Variants in ADAR observed in about 807,000 individuals in gnomAD.
ADAR encodes double-stranded RNA-specific adenosine deaminase.
Under a neutral mutation model 113.2 loss-of-function variants are expected in ADAR, and 41 were observed. The ratio of observed to expected loss-of-function variants is 0.36; its 90% CI spans 0.28 to 0.47. The LOEUF (loss-of-function observed/expected upper bound fraction) is 0.47, where lower values mean the gene tolerates loss of function less well. Ranked by LOEUF, ADAR falls within the 20% of genes least tolerant of loss-of-function variation. The pLI is 1.00. For missense variants in ADAR, 1,242 were observed against 1,540.9 expected (o/e 0.81, Z 3.25); for synonymous variants, 605 against 572.6 (o/e 1.06, Z -0.81).
chr1:154,626,464 C>T (rs1698941209), intron 1 of ADAR, among the ~76,000 whole-genome samples: 1 of 152,168 alleles, frequency 6.6e-6, no homozygotes, highest in Admixed American at 6.5e-5. Context: ...ATGAAGTGTA[C>T]AGCAGAGAGA....
chr1:154,604,155 A>C (rs905982436), intron 1 of ADAR, among the ~76,000 whole-genome samples: 3 of 152,214 alleles, frequency 2.0e-5, no homozygotes, highest in African/African-American at 4.8e-5. Context: ...GCCTCACACA[A>C]TATGCAAAAC....
chr1:154,602,051 G>A lies in ADAR; in HGVS notation c.591C>T (p.Ile197=), dbSNP rs202096621. 4.2e-5 allele frequency: 67 copies of A among 1,614,182 alleles called. No individual in the cohort carries two copies. In the East Asian group the frequency reaches 1.1e-3, roughly 26 times the overall value. ...KEAGTPPLWK[I]AVSTQAWNQH... ...GGTTCCAAGCCTGAGTGGAGACCGC[G>A]ATTTTCCACAAAGGGGGTGTTCCTG... Residue 197 remains isoleucine, a synonymous_variant, in exon 2 of 15, where the codon ATC becomes ATT. Coordinates refer to ENST00000368474, the MANE Select transcript of ADAR (RefSeq NM_001111.5).
At chr1:154,588,424 AC>A in intron 10 of ADAR, 126 bp downstream of exon 10, 12 of 1,504,614 alleles carry the variant, frequency 8.0e-6, no homozygotes, top group Non-Finnish European at 1.1e-5. Flanking sequence ...CTGAATATGG[AC>A]CTCAAACCCA....
At chr1:154,596,649 C>CT (rs1341227334) in intron 6 of ADAR, among the ~76,000 whole-genome samples, 156 bp downstream of exon 6, 1 of 152,120 alleles carries the variant, frequency 6.6e-6, no homozygotes, top group East Asian at 1.9e-4. Context: ...CTTGGCAGGT[C>CT]TATTGTCTTC....
chr1:154,612,255 C>CT (rs1238409058), upstream of ADAR, among the ~76,000 whole-genome samples: 1 of 150,120 alleles, frequency 6.7e-6, no homozygotes, highest in African/African-American at 2.5e-5. Flanking sequence ...CAGAAATGTA[C>CT]TGCCTGTGAA....
intron 1 of ADAR, among the ~76,000 whole-genome samples, chr1:154,605,218 ATCTT>A (rs1199812161): frequency 1.3e-5 from 2 of 152,040 alleles, no homozygotes; most frequent in African/African-American, 4.8e-5. Flanking sequence ...AAGGCCTATA[ATCTT>A]TCTATCCCTC....
intron 11 of ADAR, among the ~76,000 whole-genome samples, chr1:154,587,319 G>A (rs2172708): frequency 0.074 from 11,241 of 152,200 alleles, 1,393 homozygotes; most frequent in African/African-American, 0.26. Context: ...GCATGTATCA[G>A]CACTTCACTT....
chr1:154,582,450 G>A lies in ADAR; in HGVS notation c.*2356C>T, dbSNP rs532724567. On this transcript the variant is annotated 3_prime_UTR_variant, in exon 15 of 15. Transcript: ENST00000368474. ...GAAGATAACAGTGGGCAGAAGCTCTGCCTCCTCTGTCCTGTGTGACTCAGA... is the reference window on the plus strand; with the variant it reads ...GAAGATAACAGTGGGCAGAAGCTCTACCTCCTCTGTCCTGTGTGACTCAGA... The A allele has an allele frequency of 7.2e-6, 1 of 139,248 alleles. No individual in the cohort carries two copies. The highest frequency in any genetic ancestry group is 2.6e-5 in the African/African-American group (1 of 38,018). The allele number at this position is 139,248 out of a possible 1,614,324, so 8.6% of individuals were successfully genotyped here. A position where few individuals can be genotyped will look rare whatever the true frequency, so the allele number is the denominator to read the frequency against.
chr1:154,593,621 AGG>A lies in ADAR; in HGVS notation c.2270+3182_2270+3183del, dbSNP rs544785255. ...GATAAGGAGGTGCTTATTGAGATGAAGGATATGAATTAGTAGAAGAGCAGCTG... is the reference window on the plus strand; with the variant it reads ...GATAAGGAGGTGCTTATTGAGATGAAATATGAATTAGTAGAAGAGCAGCTG... On this transcript the variant is annotated intron_variant, in intron 6 of 14. Transcript: ENST00000368474. Among the ~76,000 whole-genome samples, 501 of 152,368 alleles carry A rather than the reference AGG, an allele frequency of 3.3e-3. 1 individual carries two copies. The highest frequency in any genetic ancestry group is 0.011 in the African/African-American group (464 of 41,582).
chr1:154,605,041 A>G (rs1223591752), intron 1 of ADAR, among the ~76,000 whole-genome samples: 2 of 152,164 alleles, frequency 1.3e-5, no homozygotes, highest in South Asian at 2.1e-4. Context: ...CTCCTAGCCT[A>G]TTAAGGCTAG....
rs1325328855 is a variant in ADAR, at chr1:154,590,267, T to C, written c.2413A>G (p.Thr805Ala). Residue 805 changes from threonine to alanine, a missense_variant, in exon 7 of 15, where the codon ACA becomes GCA. By Grantham distance (58) the Thr-to-Ala change is moderately conservative. Around this residue, in one of 2 missense-constraint regions of ADAR, gnomAD observed 780 missense variants for 1,057.9 expected, o/e 0.74. Transcript: ENST00000368474. ...GCCCCTGTCACTGGGGTTACCTCTGTGAAACCCATGCGTTCTGCCTTCTCG... is the reference window on the plus strand; with the variant it reads ...GCCCCTGTCACTGGGGTTACCTCTGCGAAACCCATGCGTTCTGCCTTCTCG... ...ENEKAERMGF[T>A]EVTPVTGASL... 6.2e-7 allele frequency: 1 copy of C among 1,613,762 alleles called. No individual in the cohort carries two copies. Among genetic ancestry groups the C allele is most frequent in the African/African-American group, 1.3e-5 (1 of 74,828 alleles).
exon 1 of ADAR, chr1:154,627,913 G>GGCCCCCCC: frequency 1.9e-6 from 1 of 517,168 alleles, no homozygotes; most frequent in Non-Finnish European, 3.9e-6. Context: ...GTGCGGCCGC[G>GGCCCCCCC]ACCCTCCCCC....
At chr1:154,589,317 A>G (rs1434682710) in intron 9 of ADAR, 52 bp downstream of exon 9, 2 of 1,426,988 alleles carry the variant, frequency 1.4e-6, no homozygotes, top group Non-Finnish European at 2.0e-6. Context: ...GGGGCAGGGA[A>G]CTGGAGCTCT....
Position 154,615,813 on chromosome 1 carries a change from C to T in ADAR, c.-871+12042G>A, listed in dbSNP as rs189414165. On this transcript the variant is annotated intron_variant, in intron 1 of 14. Coordinates refer to the ADAR transcript ENST00000368471. ...GATTTTATTTTTTTCTAGGAAGATA[C>T]CATTAATTTATATTTTTAAAATGAT... Among the ~76,000 whole-genome samples, 8 of 152,174 alleles carry T rather than the reference C, an allele frequency of 5.3e-5. No homozygotes were observed. The East Asian group carries it at 9.6e-4, about 18-fold the overall frequency.
intron 1 of ADAR, among the ~76,000 whole-genome samples, chr1:154,614,828 G>A (rs1176395341): frequency 6.6e-6 from 1 of 152,186 alleles, no homozygotes; most frequent in Non-Finnish European, 1.5e-5. Context: ...GGATGGAGGG[G>A]CTTTTGTAGA....
intron 11 of ADAR, among the ~76,000 whole-genome samples, chr1:154,587,313 G>A (rs1696827768): frequency 6.6e-6 from 1 of 152,180 alleles, no homozygotes. Flanking sequence ...TTGTAAGCAT[G>A]TATCAGCACT....
intron 1 of ADAR, among the ~76,000 whole-genome samples, chr1:154,604,915 C>G (rs1415861084): frequency 6.6e-6 from 1 of 152,212 alleles, no homozygotes; most frequent in Non-Finnish European, 1.5e-5. Flanking sequence ...TGTCGACAGT[C>G]TGTCCACTTA....
chr1:154,613,873 C>T (rs1229354988), intron 1 of ADAR, among the ~76,000 whole-genome samples: 2 of 148,450 alleles, frequency 1.3e-5, no homozygotes, highest in African/African-American at 5.0e-5. Context: ...CACTGCACTC[C>T]ACCCTGAGCA....
In ADAR at chr1:154,602,233, G is replaced by A. The variant is rs1390735879; in HGVS notation, c.409C>T (p.Gln137Ter). 6.2e-7 allele frequency: 1 copy of A among 1,614,174 alleles called. No individual in the cohort carries two copies. The highest frequency in any genetic ancestry group is 1.7e-5 in the Admixed American group (1 of 60,024). The part of the protein sequence containing the change: ...SSHFQELSIY[Q>*]DQEQRILKFL... ...TTTAAGATCCTTTGTTCCTGATCTT[G>A]GTAGATACTCAGTTCCTGGAAATGT... Residue 137 changes from glutamine (Q) to a stop codon, truncating the protein, a stop_gained, in exon 2 of 15, where the codon CAA becomes TAA. Coordinates refer to ENST00000368474, the MANE Select transcript of ADAR (RefSeq NM_001111.5). LOFTEE classifies it high-confidence loss of function.
Sources: gnomAD v4.1 joint callset for allele counts (sites outside exome capture counted in the v4.1 genomes callset) on GRCh38, gnomAD v4.1.1 for gene constraint, gnomAD v4.1.1 regional missense constraint, MANE v1.5 for transcripts, NCBI Gene and HGNC (gene_info 2026-07-23, HGNC 2026-07-21) for gene names.